Variants in KIAA1217 observed in about 807,000 individuals in gnomAD.
KIAA1217 encodes the protein sickle tail protein homolog.
Under a neutral mutation model 163.9 loss-of-function variants are expected in KIAA1217, and 88 were observed. That is an observed-to-expected ratio of 0.54 (90% CI 0.45 to 0.64). The LOEUF is 0.64. Ranked by LOEUF, KIAA1217 falls within the 30% of genes least tolerant of loss-of-function variation. The pLI, the probability that KIAA1217 is intolerant of heterozygous loss-of-function variation, is 0.00. For missense variants in KIAA1217, 2,372 were observed against 2,475.0 expected (o/e 0.96, Z 0.88); for synonymous variants, 903 against 923.1 (o/e 0.98, Z 0.39).
At chr10:24,443,082 T>G (rs2060632954) in intron 5 of KIAA1217, among the ~76,000 whole-genome samples, 1 of 152,100 alleles carries the variant, frequency 6.6e-6, no homozygotes, top group Admixed American at 6.6e-5. Context: ...GGCTAATTTT[T>G]GTATTTTTAG....
chr10:24,026,201 G>A (rs1847932331), intron 2 of KIAA1217, among the ~76,000 whole-genome samples: 1 of 151,774 alleles, frequency 6.6e-6, no homozygotes, highest in South Asian at 2.1e-4. Flanking sequence ...TTACATGTAT[G>A]TTCATGATAA....
rs192271372 is a variant in KIAA1217, at chr10:24,246,247, C to G, written c.354+26338C>G. Among the ~76,000 whole-genome samples the G allele has an allele frequency of 1.1e-3, 173 of 152,296 alleles. No homozygotes were observed. In the Middle Eastern group the frequency reaches 0.014, roughly 12 times the overall value. ...ACAGACTCTCATTTAAAACTATTCTCTCTTCAAAGCAATTATAAAGTGGCC... is the reference window on the plus strand; with the variant it reads ...ACAGACTCTCATTTAAAACTATTCTGTCTTCAAAGCAATTATAAAGTGGCC... On this transcript the variant is annotated intron_variant, in intron 2 of 20. Transcript: ENST00000376454.
chr10:23,694,983 G>C (rs962124648), exon 1 of KIAA1217: 4 of 152,224 alleles, frequency 2.6e-5, no homozygotes, highest in Non-Finnish European at 4.4e-5. Flanking sequence ...AGCAGGGCGC[G>C]CAGCGCCCTG....
intron 2 of KIAA1217, among the ~76,000 whole-genome samples, chr10:24,282,176 T>A (rs1327852628): frequency 2.0e-5 from 3 of 150,452 alleles, no homozygotes; most frequent in Non-Finnish European, 4.4e-5. Flanking sequence ...AAGACCAGCC[T>A]GGGCAACATA....
chr10:23,708,608 G>T (rs182378643), intron 1 of KIAA1217, among the ~76,000 whole-genome samples: 18 of 152,296 alleles, frequency 1.2e-4, no homozygotes, highest in African/African-American at 4.1e-4. Context: ...ATATGTACAG[G>T]CCTTGAGGCA....
At chr10:24,287,660 AT>A (rs1229036636) in intron 2 of KIAA1217, among the ~76,000 whole-genome samples, 7 of 152,054 alleles carry the variant, frequency 4.6e-5, no homozygotes, top group African/African-American at 1.4e-4. Flanking sequence ...AGTTAATAAG[AT>A]TTTTTTTAGC....
intron 1 of KIAA1217, among the ~76,000 whole-genome samples, chr10:23,966,430 C>T (rs1845069511): frequency 6.6e-6 from 1 of 152,140 alleles, no homozygotes; most frequent in Non-Finnish European, 1.5e-5. Flanking sequence ...GTCCACATAC[C>T]AACCCACCAG....
At chr10:24,043,635 A>G (rs927312596) in intron 2 of KIAA1217, among the ~76,000 whole-genome samples, 2 of 152,170 alleles carry the variant, frequency 1.3e-5, no homozygotes, top group African/African-American at 2.4e-5. Flanking sequence ...AATAGAATGA[A>G]TTTTGGCTGC....
rs571225556 is a variant in KIAA1217, at chr10:24,513,301, G to C, written c.2044G>C (p.Glu682Gln). The C allele has an allele frequency of 5.6e-6, 9 of 1,614,138 alleles. No homozygotes were observed. In the South Asian group the frequency reaches 9.9e-5, roughly 18 times the overall value. ...GCTGAGGGCAATGATGAAGAAGGCC[G>C]AGCTGGAAATCAGTGGCAAAGTGAT... ...ELLRAMMKKA[E>Q]LEISGKVMET... Residue 682 changes from glutamate (E) to glutamine (Q), a missense_variant, in exon 10 of 21, where the codon GAG (glutamate) becomes CAG (glutamine). Physicochemically the swap from Glu to Gln is conservative, Grantham distance 29. Transcript: ENST00000376454.
intron 17 of KIAA1217, among the ~76,000 whole-genome samples, chr10:24,538,730 T>TG (rs1244953925): frequency 2.6e-5 from 3 of 115,896 alleles, no homozygotes; most frequent in African/African-American, 3.6e-5. Flanking sequence ...TTATTGTTTT[T>TG]GGTTTTTTTT....
intron 3 of KIAA1217, among the ~76,000 whole-genome samples, chr10:24,389,835 T>TG (rs1385619425): frequency 6.6e-6 from 1 of 152,176 alleles, no homozygotes; most frequent in Admixed American, 6.5e-5. Flanking sequence ...TGTTTTGTTT[T>TG]TTTTCAGCAT....
intron 2 of KIAA1217, among the ~76,000 whole-genome samples, chr10:24,372,007 C>T (rs565859858): frequency 6.6e-6 from 1 of 152,140 alleles, no homozygotes; most frequent in Non-Finnish European, 1.5e-5. Flanking sequence ...ACATTGGGTA[C>T]ACATGGGTAT....
At chr10:24,073,532 A>G (rs1372002256) in intron 2 of KIAA1217, among the ~76,000 whole-genome samples, 3 of 152,232 alleles carry the variant, frequency 2.0e-5, no homozygotes, top group African/African-American at 7.2e-5. Flanking sequence ...GGATAAAATC[A>G]TCCAGAAAAC....
rs1345407888 is a variant in KIAA1217, at chr10:24,473,622, C to A, written c.1241C>A (p.Pro414Gln). The change falls in exon 6 of 21, where the codon CCA becomes CAA. Residue 414 changes from proline (P) to glutamine (Q), a missense_variant. Physicochemically the swap from Pro to Gln is moderately conservative, Grantham distance 76. This residue lies in a region of KIAA1217 where 1,431 missense variants were observed against 1,470.3 expected (regional missense o/e 0.97). Transcript: ENST00000376454. Reference protein sequence around the residue: ...MSIASSHGGHPLDVPDHIIAY... With the variant: ...MSIASSHGGHQLDVPDHIIAY... ...ATAGCCTCATCCCATGGTGGACACC[C>A]ACTGGATGTCCCCGACCACATCATT... 1.2e-6 allele frequency: 2 copies of A among 1,614,168 alleles called. No homozygotes were observed. The highest frequency in any genetic ancestry group is 2.2e-5 in the East Asian group (1 of 44,868).
intron 2 of KIAA1217, among the ~76,000 whole-genome samples, chr10:24,101,148 C>A (rs1416171820): frequency 1.3e-5 from 2 of 152,294 alleles, no homozygotes; most frequent in Non-Finnish European, 2.9e-5. Flanking sequence ...GGAGTCAAAT[C>A]ACAAAAGGAG....
intron 1 of KIAA1217, among the ~76,000 whole-genome samples, chr10:23,847,694 G>C (rs191847809): frequency 6.6e-6 from 1 of 151,836 alleles, no homozygotes; most frequent in Non-Finnish European, 1.5e-5. Flanking sequence ...TTTTTTGAAC[G>C]GTTGTTCATG....
At chr10:24,311,691 G>A (rs2042718375) in intron 2 of KIAA1217, among the ~76,000 whole-genome samples, 1 of 152,150 alleles carries the variant, frequency 6.6e-6, no homozygotes, top group Non-Finnish European at 1.5e-5. Context: ...CATTTGAGCT[G>A]GGGTTTCTTG....
chr10:24,546,115 C>A lies in KIAA1217; in HGVS notation c.5623C>A (p.His1875Asn). Residue 1875 changes from histidine (H) to asparagine (N), a missense_variant, in exon 21 of 21, where the codon CAT becomes AAT. By Grantham distance (68) the His-to-Asn change is moderately conservative (BLOSUM62 1). Transcript: ENST00000376454. The stretch of plus-strand genomic sequence containing the variant: ...CCTCACTCATACAGGTAAAGGTCAC[C>A]ATCTTTCATTCTCACCGCAGAGTCA... ...QSLTHTGKGH[H>N]LSFSPQSQNG... 6.2e-7 allele frequency: 1 copy of A among 1,614,146 alleles called. No homozygotes were observed. Among genetic ancestry groups the A allele is most frequent in the Non-Finnish European group, 8.5e-7 (1 of 1,180,022 alleles).
intron 1 of KIAA1217, among the ~76,000 whole-genome samples, chr10:23,982,828 T>C (rs1351367090): frequency 6.6e-6 from 1 of 152,096 alleles, no homozygotes; most frequent in East Asian, 1.9e-4. Context: ...CCTCCCAACG[T>C]GCTAGGATTA....
Sources: allele counts gnomAD v4.1 joint callset (sites outside exome capture counted in the v4.1 genomes callset), GRCh38; gene constraint gnomAD v4.1.1; regional missense constraint gnomAD v4.1.1; transcripts MANE v1.5; gene names NCBI Gene and HGNC (gene_info 2026-07-23, HGNC 2026-07-21).